Variants in RBM6 observed in about 807,000 individuals in gnomAD.
RBM6 encodes RNA-binding protein 6.
In RBM6, 23 loss-of-function variants were observed where a neutral mutation model predicts 140.4. That is an observed-to-expected ratio of 0.16 (90% CI 0.12 to 0.23). The LOEUF (loss-of-function observed/expected upper bound fraction) is 0.23, where lower values mean the gene tolerates loss of function less well. Ranked by LOEUF, RBM6 falls within the 10% of genes least tolerant of loss-of-function variation. The probability of loss-of-function intolerance (pLI) is 1.00; values close to 1 mark genes in which losing one functional copy is unlikely to be tolerated. For missense variants in RBM6, 1,139 were observed against 1,386.7 expected (o/e 0.82, Z 2.84); for synonymous variants, 439 against 475.6 (o/e 0.92, Z 1.00).
chr3:50,034,191 C>G (rs1348871484), intron 6 of RBM6, among the ~76,000 whole-genome samples: 1 of 150,746 alleles, frequency 6.6e-6, no homozygotes, highest in Non-Finnish European at 1.5e-5. Flanking sequence ...ATCATGTTAG[C>G]CAGGCTGGTC....
chr3:50,056,422 G>A (rs1351134835), intron 8 of RBM6, among the ~76,000 whole-genome samples: 1 of 151,930 alleles, frequency 6.6e-6, no homozygotes, highest in African/African-American at 2.4e-5. Flanking sequence ...AGCCTCCCAA[G>A]TAGCTGGGAT....
intron 6 of RBM6, among the ~76,000 whole-genome samples, chr3:50,028,453 G>C (rs2087961970): frequency 6.6e-6 from 1 of 152,168 alleles, no homozygotes; most frequent in South Asian, 2.1e-4. Context: ...GGCTCAACTG[G>C]CACCCTTTAA....
chr3:50,016,661 T>C (rs568264519), intron 6 of RBM6, among the ~76,000 whole-genome samples: 54 of 152,106 alleles, frequency 3.6e-4, no homozygotes, highest in South Asian at 1.7e-3. Flanking sequence ...TGAGGTGACA[T>C]CTCATTATGG....
intron 1 of RBM6, among the ~76,000 whole-genome samples, chr3:49,948,300 G>C (rs2083581685): frequency 2.6e-5 from 4 of 152,090 alleles, no homozygotes; most frequent in Admixed American, 2.6e-4. Flanking sequence ...GGCTGAGGTG[G>C]GCAGATTGCC....
At chr3:50,045,674 T>G (rs2089185221) in intron 6 of RBM6, among the ~76,000 whole-genome samples, 1 of 152,144 alleles carries the variant, frequency 6.6e-6, no homozygotes, top group Non-Finnish European at 1.5e-5. Context: ...GCAAGCAAGG[T>G]GAAATGAGTG....
rs569010975 is a variant in RBM6, at chr3:49,985,699, C to T, written c.1483+10307C>T. 1.2e-4 allele frequency among the ~76,000 whole-genome samples: 18 copies of T among 152,088 alleles called. No individual in the cohort carries two copies. In the East Asian group the frequency reaches 1.9e-3, roughly 16 times the overall value. On this transcript the variant is annotated intron_variant, in intron 5 of 20. Coordinates refer to ENST00000266022, the MANE Select transcript of RBM6 (RefSeq NM_005777.3). ...TCAGCTCACTGCAACCTCCACCTCC[C>T]GGGTTCACGCCATTCTCCTGCCTCA...
intron 6 of RBM6, among the ~76,000 whole-genome samples, chr3:50,020,148 C>T (rs946413985): frequency 6.6e-6 from 1 of 152,070 alleles, no homozygotes; most frequent in African/African-American, 2.4e-5. Flanking sequence ...GTCTGGAACT[C>T]CTGGGCGGGC....
Position 49,991,659 on chromosome 3 carries a change from C to T in RBM6, c.1484-7781C>T, listed in dbSNP as rs1011660139. On this transcript the variant is annotated intron_variant, in intron 5 of 20. Transcript: ENST00000266022. ...GCCAGCTCCAGCTGGTGTCTAGTGCCTTTAGTTGGGCACTGGATATCGGTT... is the reference window on the plus strand; with the variant it reads ...GCCAGCTCCAGCTGGTGTCTAGTGCTTTTAGTTGGGCACTGGATATCGGTT... Among the ~76,000 whole-genome samples, 8 of 152,174 alleles carry T rather than the reference C, an allele frequency of 5.3e-5. 1 individual carries two copies. Among genetic ancestry groups the T allele is most frequent in the Non-Finnish European group, 1.2e-4 (8 of 68,024 alleles).
chr3:50,076,929 G>T, intron 20 of RBM6, 79 bp from the exon 21 acceptor site: 1 of 1,423,472 alleles, frequency 7.0e-7, no homozygotes, highest in South Asian at 1.4e-5. Context: ...TACTAGTCCA[G>T]AAATGCCTGT....
intron 3 of RBM6, among the ~76,000 whole-genome samples, chr3:49,969,312 C>T (rs1487256864): frequency 2.0e-5 from 3 of 146,606 alleles, no homozygotes; most frequent in Non-Finnish European, 3.0e-5. Context: ...CATGAGCCAC[C>T]GTGCCTGGCC....
At chr3:50,056,910 C>T (rs2089725699) in intron 8 of RBM6, among the ~76,000 whole-genome samples, 1 of 152,148 alleles carries the variant, frequency 6.6e-6, no homozygotes, top group Admixed American at 6.6e-5. Context: ...AGGGTCTGTT[C>T]CTAGCTTCAC....
chr3:50,026,949 T>C (rs2087874281), intron 6 of RBM6, among the ~76,000 whole-genome samples: 1 of 152,028 alleles, frequency 6.6e-6, no homozygotes, highest in Non-Finnish European at 1.5e-5. Context: ...TTTGATGATT[T>C]GATGATTTCA....
intron 11 of RBM6, 182 bp from the exon 12 acceptor site, chr3:50,060,774 A>AAG: frequency 2.4e-6 from 1 of 411,538 alleles, no homozygotes; most frequent in Non-Finnish European, 4.2e-6. Flanking sequence ...AAAAAAAAAA[A>AAG]AAGAGTCTTA....
rs190912901 is a variant in RBM6 at position 50,060,525 on chromosome 3, A to G, written c.2229-431A>G. Among the ~76,000 whole-genome samples the G allele has an allele frequency of 1.4e-3, 213 of 151,926 alleles. No individual in the cohort carries two copies. The Middle Eastern group carries it at 0.02, about 15-fold the overall frequency. On this transcript the variant is annotated intron_variant, in intron 11 of 20. Coordinates refer to ENST00000266022, the MANE Select transcript of RBM6 (RefSeq NM_005777.3). ...CACCTGGGGAGGCCGAGGCGGGCAGATCATGAGGTCAGGAGATTGAGATCA... is the reference window on the plus strand; with the variant it reads ...CACCTGGGGAGGCCGAGGCGGGCAGGTCATGAGGTCAGGAGATTGAGATCA...
Position 49,999,472 on chromosome 3 carries a change from T to G in RBM6, c.1516T>G (p.Ser506Ala). Residue 506 changes from serine (S) to alanine (A), a missense_variant, in exon 6 of 21, where the codon TCA becomes GCA. By Grantham distance (99) the Ser-to-Ala change is moderately conservative. Around this residue, in one of 9 missense-constraint regions of RBM6, gnomAD observed 58 missense variants for 99.7 expected, o/e 0.58. Coordinates refer to ENST00000266022, the MANE Select transcript of RBM6 (RefSeq NM_005777.3). ...YDYGYVCVEFSLLEDAIGCME... is the reference protein window; with the variant it reads ...YDYGYVCVEFALLEDAIGCME... The stretch of plus-strand genomic sequence containing the variant: ...CTATGGCTATGTCTGCGTGGAGTTT[T>G]CACTCTTGGAAGATGCCATCGGATG... 6.2e-7 allele frequency: 1 copy of G among 1,614,048 alleles called. No individual in the cohort carries two copies. Among genetic ancestry groups the G allele is most frequent in the Non-Finnish European group, 8.5e-7 (1 of 1,179,950 alleles).
At chr3:50,035,028 C>CAT (rs1198763024) in intron 6 of RBM6, among the ~76,000 whole-genome samples, 19 of 57,612 alleles carry the variant, frequency 3.3e-4, no homozygotes, top group Non-Finnish European at 5.5e-4. Context: ...TCTTCCCTCC[C>CAT]CTCCCCTCCC....
chr3:49,976,503 C>A (rs1347968312), intron 5 of RBM6, among the ~76,000 whole-genome samples: 2 of 152,074 alleles, frequency 1.3e-5, no homozygotes, highest in South Asian at 2.1e-4. Context: ...TATTATTATT[C>A]TTGGTATCTC....
Position 50,077,234 on chromosome 3 carries a change from C to CT in RBM6, c.*108dup. ...TGCTGCTAGAACTTTTTTAAATAAA[C>CT]TTTTTTTCAATGTGATTATCTTTTT... On this transcript the variant is annotated 3_prime_UTR_variant, in exon 21 of 21. Coordinates refer to ENST00000266022, the MANE Select transcript of RBM6 (RefSeq NM_005777.3). The CT allele has an allele frequency of 1.5e-6, 2 of 1,304,028 alleles. No homozygotes were observed. The highest frequency in any genetic ancestry group is 2.1e-6 in the Non-Finnish European group (2 of 975,222). The allele number at this position is 1,304,028 out of a possible 1,614,324, so 80.8% of individuals were successfully genotyped here.
At chr3:50,055,129 T>G (rs1350081419) in intron 8 of RBM6, among the ~76,000 whole-genome samples, 1 of 152,198 alleles carries the variant, frequency 6.6e-6, no homozygotes, top group Non-Finnish European at 1.5e-5. Context: ...GCCCAAACCT[T>G]TCAAAAGTGC....
Sources: gnomAD v4.1 joint callset for allele counts (sites outside exome capture counted in the v4.1 genomes callset) on GRCh38, gnomAD v4.1.1 for gene constraint, gnomAD v4.1.1 regional missense constraint, MANE v1.5 for transcripts, NCBI Gene and HGNC (gene_info 2026-07-23, HGNC 2026-07-21) for gene names.